Variants in SLC1A3 observed in about 807,000 individuals in gnomAD.
The protein encoded by SLC1A3 is excitatory amino acid transporter 1.
A neutral mutation model predicts 48.1 loss-of-function variants in SLC1A3; 21 were observed. That is an observed-to-expected ratio of 0.44 (90% CI 0.31 to 0.63). The LOEUF is 0.63. SLC1A3 is among the 20% of genes least tolerant of loss of function. The pLI, the probability that SLC1A3 is intolerant of heterozygous loss-of-function variation, is 0.08. For synonymous variants in SLC1A3, 239 were observed against 251.4 expected (o/e 0.95, Z 0.47); for missense variants, 546 against 689.0 (o/e 0.79, Z 2.32).
intron 3 of SLC1A3, among the ~76,000 whole-genome samples, chr5:36,659,001 C>A (rs939501104): frequency 2.0e-5 from 3 of 148,774 alleles, no homozygotes; most frequent in African/African-American, 7.4e-5. Flanking sequence ...TTTTTTTTTA[C>A]TGTGATATAT....
intron 3 of SLC1A3, among the ~76,000 whole-genome samples, chr5:36,662,342 C>T (rs889733639): frequency 1.3e-5 from 2 of 152,138 alleles, no homozygotes; most frequent in East Asian, 1.9e-4. Flanking sequence ...ACACACTTTG[C>T]TTTTTGCTGC....
intron 3 of SLC1A3, chr5:36,667,753 A>G (rs1286851860): frequency 6.6e-6 from 1 of 152,216 alleles, no homozygotes; most frequent in Non-Finnish European, 1.5e-5. Context: ...ATTGTAAGTG[A>G]AAGAGCCATC....
intron 3 of SLC1A3, among the ~76,000 whole-genome samples, chr5:36,642,448 T>C (rs1049968000): frequency 2.6e-5 from 4 of 152,194 alleles, no homozygotes; most frequent in Non-Finnish European, 4.4e-5. Context: ...TATTTTACAA[T>C]AGAAAAAGAG....
chr5:36,685,440 C>T (rs1001842238), intron 9 of SLC1A3, among the ~76,000 whole-genome samples: 1 of 152,094 alleles, frequency 6.6e-6, no homozygotes, highest in African/African-American at 2.4e-5. Flanking sequence ...CCACGCCTGG[C>T]TAATTTTTGT....
At chr5:36,676,133 G>T (rs145837323) in intron 5 of SLC1A3, among the ~76,000 whole-genome samples, 3 of 152,182 alleles carry the variant, frequency 2.0e-5, no homozygotes, top group Non-Finnish European at 4.4e-5. Flanking sequence ...ACTTGGAGAA[G>T]ATGAGCTGTC....
chr5:36,624,247 G>GATTTAGTTAATGTCATTCAAAAA (rs1739810496), intron 2 of SLC1A3, among the ~76,000 whole-genome samples: 1 of 152,188 alleles, frequency 6.6e-6, no homozygotes, highest in Non-Finnish European at 1.5e-5. Flanking sequence ...TTAAGCTCTA[G>GATTTAGTTAATGTCATTCAAAAA]ATTTAGTTAA....
At chr5:36,653,605 G>C (rs969385586) in intron 3 of SLC1A3, among the ~76,000 whole-genome samples, 9 of 152,160 alleles carry the variant, frequency 5.9e-5, no homozygotes, top group African/African-American at 1.9e-4. Flanking sequence ...GTTTAGTAGA[G>C]TTTCCCAAGT....
At chr5:36,645,708 TTTGGGG>T (rs1165165025) in intron 3 of SLC1A3, among the ~76,000 whole-genome samples, 1 of 152,130 alleles carries the variant, frequency 6.6e-6, no homozygotes, top group Non-Finnish European at 1.5e-5. Flanking sequence ...TCTCAGTAAT[TTTGGGG>T]TTGTTTCATT....
At chr5:36,668,321 C>T (rs540176747) in intron 3 of SLC1A3, 1 of 152,418 alleles carries the variant, frequency 6.6e-6, no homozygotes, top group Admixed American at 6.5e-5. Context: ...TTTTGTCTTC[C>T]AGAGTTCTTC....
intron 2 of SLC1A3, among the ~76,000 whole-genome samples, chr5:36,626,852 C>T (rs1018040152): frequency 2.6e-5 from 4 of 152,172 alleles, no homozygotes; most frequent in Middle Eastern, 3.2e-3. Flanking sequence ...AAATGCCTTA[C>T]ACCAGATTGG....
chr5:36,605,060 A>G (rs866876181), upstream of SLC1A3, among the ~76,000 whole-genome samples: 6 of 152,214 alleles, frequency 3.9e-5, no homozygotes, highest in South Asian at 4.1e-4. Flanking sequence ...ATTGTGTTTT[A>G]ACACAAAAGA....
In SLC1A3 at chr5:36,665,175, A is replaced by ACTT. The variant is rs1470585880; in HGVS notation, c.320-5853_320-5851dup. Among the ~76,000 whole-genome samples, 14 of 152,266 alleles carry ACTT rather than the reference A, an allele frequency of 9.2e-5. No individual in the cohort carries two copies. In the East Asian group the frequency reaches 2.3e-3, roughly 25 times the overall value. On this transcript the variant is annotated intron_variant, in intron 3 of 9. Transcript: ENST00000265113. Reference sequence around the variant, plus strand: ...TTAAAGAGTGTTTTAAACAAAAGCAACTTTAGAATTTGTAATTCATATAGT... The same window carrying ACTT: ...TTAAAGAGTGTTTTAAACAAAAGCAACTTCTTTAGAATTTGTAATTCATATAGT...
intron 3 of SLC1A3, among the ~76,000 whole-genome samples, chr5:36,642,664 C>T (rs1645657): frequency 0.23 from 34,914 of 151,964 alleles, 4,283 homozygotes; most frequent in East Asian, 0.31. Context: ...AATTTTAGGA[C>T]ATTTTTATCA....
intron 2 of SLC1A3, among the ~76,000 whole-genome samples, chr5:36,609,575 T>A (rs1226359980): frequency 6.6e-6 from 1 of 152,214 alleles, no homozygotes; most frequent in Non-Finnish European, 1.5e-5. Context: ...GAAAATTCTG[T>A]AGTGTGTAAA....
intron 3 of SLC1A3, among the ~76,000 whole-genome samples, chr5:36,639,358 T>G (rs1191091745): frequency 6.6e-6 from 1 of 152,220 alleles, no homozygotes; most frequent in East Asian, 1.9e-4. Context: ...TTTCACACGC[T>G]TTGTTAAAAG....
At chr5:36,685,059 A>G (rs1001704890) in intron 9 of SLC1A3, among the ~76,000 whole-genome samples, 6 of 152,326 alleles carry the variant, frequency 3.9e-5, no homozygotes, top group African/African-American at 1.2e-4. Flanking sequence ...ACAGCATTTG[A>G]TCTATATGGG....
intron 4 of SLC1A3, among the ~76,000 whole-genome samples, chr5:36,671,671 G>A (rs1048212687): frequency 6.6e-6 from 1 of 152,138 alleles, no homozygotes; most frequent in African/African-American, 2.4e-5. Context: ...TACACAGTTT[G>A]GTTCCAGAGG....
In SLC1A3 at chr5:36,665,684, G is replaced by A. The variant is rs554558595; in HGVS notation, c.320-5345G>A. The stretch of plus-strand genomic sequence containing the variant: ...TTTAATGCCAGTGAAAACCCTATGA[G>A]GGAGCTTCTATTTTTCACATTCCAC... On this transcript the variant is annotated intron_variant, in intron 3 of 9. Transcript: ENST00000265113. Among the ~76,000 whole-genome samples, 140 of 152,290 alleles carry A rather than the reference G, an allele frequency of 9.2e-4. 1 individual carries two copies. The highest frequency in any genetic ancestry group is 1.8e-3 in the Non-Finnish European group (121 of 68,032).
rs184193481 is a variant in SLC1A3 at position 36,685,976 on chromosome 5, G to C, written c.1425-89G>C. On this transcript the variant is annotated intron_variant, in intron 9 of 9. Transcript: ENST00000265113. Reference sequence around the variant, plus strand: ...GATACGGCGAACTGAATGTTAAGAGGTGCTTCGCTGGCCAGTTCCTAACGT... The same window carrying C: ...GATACGGCGAACTGAATGTTAAGAGCTGCTTCGCTGGCCAGTTCCTAACGT... 4.2e-6 allele frequency: 4 copies of C among 956,526 alleles called. No homozygotes were observed. In the East Asian group the frequency reaches 9.7e-5, roughly 23 times the overall value. The allele number at this position is 956,526 out of a possible 1,614,324, so 59.3% of individuals were successfully genotyped here. A position where few individuals can be genotyped will look rare whatever the true frequency, so the allele number is the denominator to read the frequency against.
Sources: gnomAD v4.1 joint callset for allele counts (sites outside exome capture counted in the v4.1 genomes callset) on GRCh38, gnomAD v4.1.1 for gene constraint, MANE v1.5 for transcripts, NCBI Gene and HGNC (gene_info 2026-07-23, HGNC 2026-07-21) for gene names.